The following TNIP1 variants were observed in gnomAD, a reference collection of about 807,000 sequenced individuals.
TNIP1 encodes TNFAIP3-interacting protein 1.
Under a neutral mutation model 86.6 loss-of-function variants are expected in TNIP1, and 22 were observed. The ratio of observed to expected loss-of-function variants is 0.25; its 90% CI spans 0.18 to 0.36. The LOEUF is 0.36. Ranked by LOEUF, TNIP1 falls within the 10% of genes least tolerant of loss-of-function variation. The probability of loss-of-function intolerance (pLI) is 1.00; values close to 1 mark genes in which losing one functional copy is unlikely to be tolerated. For missense variants in TNIP1, 709 were observed against 820.6 expected (o/e 0.86, Z 1.66); for synonymous variants, 294 against 313.0 (o/e 0.94, Z 0.64).
At chr5:151,080,670 GC>G (rs964162871) in intron 1 of TNIP1, among the ~76,000 whole-genome samples, 34 of 152,148 alleles carry the variant, frequency 2.2e-4, no homozygotes, top group Admixed American at 1.3e-4. Context: ...CAGTGCGCAC[GC>G]GCGCCCCCCA....
chr5:151,071,515 C>T (rs1561535890), intron 1 of TNIP1, among the ~76,000 whole-genome samples: 1 of 152,160 alleles, frequency 6.6e-6, no homozygotes, highest in Admixed American at 6.5e-5. Flanking sequence ...ATTAGCACTA[C>T]TTTCTTTAAC....
intron 3 of TNIP1, among the ~76,000 whole-genome samples, 190 bp downstream of exon 3, chr5:151,063,423 T>C (rs922334407): frequency 6.6e-6 from 1 of 152,158 alleles, no homozygotes; most frequent in African/African-American, 2.4e-5. Flanking sequence ...TTTAACAAGA[T>C]TGTTTTGAAG....
upstream of TNIP1, among the ~76,000 whole-genome samples, chr5:151,085,620 C>T (rs1043301871): frequency 6.6e-6 from 1 of 152,202 alleles, no homozygotes; most frequent in Non-Finnish European, 1.5e-5. Context: ...TTCCCAGCCT[C>T]GTCACATACG....
At chr5:151,041,308 T>C (rs1022974109) in intron 11 of TNIP1, among the ~76,000 whole-genome samples, 6 of 152,178 alleles carry the variant, frequency 3.9e-5, no homozygotes, top group African/African-American at 1.4e-4. Flanking sequence ...TGATCTCAAG[T>C]GATCCGCCCA....
At chr5:151,057,198 T>C (rs1186559636) in intron 5 of TNIP1, among the ~76,000 whole-genome samples, 4 of 152,220 alleles carry the variant, frequency 2.6e-5, no homozygotes, top group Non-Finnish European at 4.4e-5. Context: ...TCCCACACAC[T>C]GGGCCTTGCA....
At chr5:151,041,769 C>G (rs889446429) in intron 11 of TNIP1, among the ~76,000 whole-genome samples, 3 of 152,186 alleles carry the variant, frequency 2.0e-5, no homozygotes, top group Non-Finnish European at 4.4e-5. Context: ...CCTGTGGACT[C>G]TATGCCAAAG....
intron 13 of TNIP1, among the ~76,000 whole-genome samples, chr5:151,036,170 T>G (rs912233128): frequency 5.3e-5 from 8 of 152,122 alleles, no homozygotes; most frequent in Admixed American, 5.2e-4. Flanking sequence ...TTCACATCCT[T>G]AGTGCAGATC....
Position 151,039,082 on chromosome 5 carries a change from G to A in TNIP1, c.1263+15C>T, listed in dbSNP as rs371545850. On this transcript the variant is annotated intron_variant, in intron 12 of 17. Coordinates refer to ENST00000521591, the MANE Select transcript of TNIP1 (RefSeq NM_006058.5). Reference sequence around the variant, plus strand: ...CAAGGGAGCCCAGCCAAGGGACCCGGGCCAAGGCACCCACCTTGTTGAGCC... The same window carrying A: ...CAAGGGAGCCCAGCCAAGGGACCCGAGCCAAGGCACCCACCTTGTTGAGCC... 3 of 1,609,970 alleles carry A rather than the reference G, an allele frequency of 1.9e-6. No homozygotes were observed. The highest frequency in any genetic ancestry group is 8.5e-7 in the Non-Finnish European group (1 of 1,178,138).
chr5:151,061,216 G>T (rs1227535429), intron 4 of TNIP1, among the ~76,000 whole-genome samples: 1 of 152,120 alleles, frequency 6.6e-6, no homozygotes, highest in African/African-American at 2.4e-5. Context: ...CTGGTCTGCA[G>T]CCTCCCTTCA....
chr5:151,039,628 T>A (rs1473624259), intron 11 of TNIP1, among the ~76,000 whole-genome samples: 2 of 151,908 alleles, frequency 1.3e-5, no homozygotes, highest in African/African-American at 4.8e-5. Context: ...AATGCGAAAT[T>A]TTGTTGTGTG....
chr5:151,066,997 A>G (rs1762313628), intron 1 of TNIP1, among the ~76,000 whole-genome samples: 1 of 152,138 alleles, frequency 6.6e-6, no homozygotes, highest in African/African-American at 2.4e-5. Context: ...AGAAAAACAA[A>G]GTTCTGATGA....
chr5:151,081,353 A>G (rs1764008754), upstream of TNIP1, among the ~76,000 whole-genome samples: 1 of 152,110 alleles, frequency 6.6e-6, no homozygotes, highest in Non-Finnish European at 1.5e-5. Context: ...GAGGCGAGCC[A>G]CAGAGACCAC....
intron 7 of TNIP1, among the ~76,000 whole-genome samples, chr5:151,050,148 T>A (rs141939647): frequency 6.6e-6 from 1 of 152,184 alleles, no homozygotes; most frequent in East Asian, 1.9e-4. Context: ...TGATTGTCAA[T>A]GGCAGGGTTT....
At chr5:151,057,854 T>C (rs1227328072) in intron 5 of TNIP1, among the ~76,000 whole-genome samples, 1 of 152,152 alleles carries the variant, frequency 6.6e-6, no homozygotes, top group Non-Finnish European at 1.5e-5. Context: ...TGATTTAAAG[T>C]ATATAGGAGG....
chr5:151,039,977 T>C (rs1261519424), intron 11 of TNIP1, among the ~76,000 whole-genome samples: 1 of 152,230 alleles, frequency 6.6e-6, no homozygotes, highest in Admixed American at 6.5e-5. Context: ...GCCCCAGCCC[T>C]GTAATACGAT....
intron 1 of TNIP1, among the ~76,000 whole-genome samples, chr5:151,066,501 G>A (rs1436061173): frequency 6.6e-6 from 1 of 152,124 alleles, no homozygotes; most frequent in Admixed American, 6.5e-5. Flanking sequence ...ATGCTCCGTG[G>A]GTCCTTGGCG....
chr5:151,063,463 G>T, intron 3 of TNIP1, 150 bp downstream of exon 3: 1 of 1,193,212 alleles, frequency 8.4e-7, no homozygotes. Context: ...TCTGGGGGAT[G>T]TGGCAGCCAA....
rs561172794 is a variant in TNIP1, at chr5:151,036,856, T to C, written c.1329A>G (p.Pro443=). 12 of 1,613,732 alleles carry C rather than the reference T, an allele frequency of 7.4e-6. No homozygotes were observed. In the South Asian group the frequency reaches 1.2e-4, roughly 16 times the overall value. ...TCCTTAGGAGGGCCCCTGCTCCTTC[T>C]GGGCTCCCAAATGCTGTTGGTGGAG... The part of the protein sequence containing the change: ...PSSPPTAFGS[P]EGAGALLRKQ... Residue 443 remains proline, a synonymous_variant, in exon 13 of 18, where the codon CCA becomes CCG. Coordinates refer to ENST00000521591, the MANE Select transcript of TNIP1 (RefSeq NM_006058.5).
intron 1 of TNIP1, 90 bp from the exon 2 acceptor site, chr5:151,065,221 G>A (rs1042522721): frequency 6.1e-6 from 7 of 1,149,696 alleles, no homozygotes; most frequent in Non-Finnish European, 8.5e-6. Context: ...TGCCCCAGAA[G>A]GCAGTCCCCC....
Sources: gnomAD v4.1 joint callset for allele counts (sites outside exome capture counted in the v4.1 genomes callset) on GRCh38, gnomAD v4.1.1 for gene constraint, MANE v1.5 for transcripts, NCBI Gene and HGNC (gene_info 2026-07-23, HGNC 2026-07-21) for gene names.